The following CDH12 variants were observed in gnomAD, a reference collection of about 807,000 sequenced individuals.
CDH12 encodes the protein cadherin-12.
A neutral mutation model predicts 74.1 loss-of-function variants in CDH12; 41 were observed. The ratio of observed to expected loss-of-function variants is 0.55; its 90% confidence interval spans 0.43 to 0.72. The LOEUF (loss-of-function observed/expected upper bound fraction) is 0.72, where lower values mean the gene tolerates loss of function less well. CDH12 is among the 30% of genes least tolerant of loss of function. CDH12 has a pLI of 0.00. For missense variants in CDH12, 945 were observed against 977.2 expected, an observed-to-expected ratio of 0.97 and a Z score of 0.44; for synonymous variants, 399 against 355.0, an observed-to-expected ratio of 1.12 and a Z score of -1.39.
chr5:22,267,580 A>G (rs1209092882), intron 3 of CDH12, among the ~76,000 whole-genome samples: 1 of 152,160 alleles, frequency 6.6e-6, no homozygotes, highest in East Asian at 1.9e-4. Flanking sequence ...GTACTTCTGG[A>G]AAGTCCATGA....
At chr5:22,534,433 G>C (rs191661647) in intron 1 of CDH12, among the ~76,000 whole-genome samples, 239 of 152,192 alleles carry the variant, frequency 1.6e-3, no homozygotes, top group African/African-American at 5.3e-3. Flanking sequence ...TCCCACTTAT[G>C]AGTGAGAACA....
intron 10 of CDH12, among the ~76,000 whole-genome samples, chr5:21,801,086 T>C (rs1288017284): frequency 6.6e-6 from 1 of 152,198 alleles, no homozygotes; most frequent in Non-Finnish European, 1.5e-5. Flanking sequence ...GTAGTATTCA[T>C]GTAATTATAG....
At chr5:22,071,464 T>A (rs1412927444) in intron 5 of CDH12, among the ~76,000 whole-genome samples, 1 of 152,186 alleles carries the variant, frequency 6.6e-6, no homozygotes, top group Non-Finnish European at 1.5e-5. Flanking sequence ...AAGTCATTAC[T>A]TAATTTGGCC....
intron 1 of CDH12, among the ~76,000 whole-genome samples, chr5:22,699,450 A>G (rs1742593370): frequency 6.6e-6 from 1 of 151,362 alleles, no homozygotes; most frequent in African/African-American, 2.5e-5. Context: ...TTTGATACAC[A>G]AAAGCTCTAA....
At chr5:22,057,193 A>G (rs1182049786) in intron 5 of CDH12, among the ~76,000 whole-genome samples, 1 of 152,206 alleles carries the variant, frequency 6.6e-6, no homozygotes, top group Non-Finnish European at 1.5e-5. Flanking sequence ...GACAATATTG[A>G]AACAAATAAG....
chr5:22,085,128 C>T lies in CDH12; in HGVS notation c.-186-6266G>A, dbSNP rs111990944. 1.2e-3 allele frequency among the ~76,000 whole-genome samples: 188 copies of T among 152,180 alleles called. 1 individual carries two copies. The highest frequency in any genetic ancestry group is 4.0e-3 in the African/African-American group (168 of 41,534). ...GAGTGACTTTTCAAAGACTTCTTAA[C>T]TCGGATGATGACTCTCTGGAGCCCA... On this transcript the variant is annotated intron_variant, in intron 4 of 14. Transcript: ENST00000382254.
intron 3 of CDH12, among the ~76,000 whole-genome samples, chr5:22,250,511 C>T (rs1421737303): frequency 6.6e-6 from 1 of 152,100 alleles, no homozygotes; most frequent in East Asian, 1.9e-4. Context: ...GCATCAATTT[C>T]GCCACATGCT....
At chr5:21,860,579 A>G (rs34848434) in intron 6 of CDH12, among the ~76,000 whole-genome samples, 9,377 of 152,040 alleles carry the variant, frequency 0.062, 365 homozygotes, top group East Asian at 0.14. Context: ...CTTGCTCTCA[A>G]TCTGGGTGGG....
At chr5:22,605,015 T>C (rs1413105460) in intron 1 of CDH12, among the ~76,000 whole-genome samples, 2 of 152,070 alleles carry the variant, frequency 1.3e-5, no homozygotes, top group African/African-American at 4.8e-5. Flanking sequence ...ATTTTATGTA[T>C]CAACTTGGAC....
At chr5:22,418,311 T>G (rs1332785595) in intron 2 of CDH12, among the ~76,000 whole-genome samples, 1 of 149,906 alleles carries the variant, frequency 6.7e-6, no homozygotes, top group Non-Finnish European at 1.5e-5. Context: ...CCTGAGACTT[T>G]GCTGAAGTTA....
intron 4 of CDH12, among the ~76,000 whole-genome samples, chr5:22,176,513 T>C (rs1161809606): frequency 6.6e-6 from 1 of 152,114 alleles, no homozygotes; most frequent in East Asian, 1.9e-4. Context: ...TTGTTTCTCA[T>C]ACCAAATGCT....
intron 1 of CDH12, among the ~76,000 whole-genome samples, chr5:22,796,823 A>T (rs1234989273): frequency 6.6e-6 from 1 of 151,992 alleles, no homozygotes; most frequent in Non-Finnish European, 1.5e-5. Flanking sequence ...CCCGGCCCAG[A>T]TTTTTTATCT....
At position 22,666,299 on chromosome 5, in the gene CDH12, TTTG is replaced by T. The variant is rs1481266547; in HGVS notation, c.-522-160938_-522-160936del. ...CTCTCTATCTTTTTTTTTTTTTTTTTTTGTTTTTGAGACGGAGTCTGTCTCTGA... is the reference window on the plus strand; with the variant it reads ...CTCTCTATCTTTTTTTTTTTTTTTTTTTTTTGAGACGGAGTCTGTCTCTGA... On this transcript the variant is annotated intron_variant, in intron 1 of 14. Transcript: ENST00000382254. Among the ~76,000 whole-genome samples the T allele has an allele frequency of 4.0e-3, 385 of 95,630 alleles. 25 individuals carry two copies. The highest frequency in any genetic ancestry group is 0.014 in the African/African-American group (373 of 26,010). The allele number at this position is 95,630 out of a possible 152,430, so 62.7% of individuals were successfully genotyped here. A position where few individuals can be genotyped will look rare whatever the true frequency, so the allele number is the denominator to read the frequency against.
chr5:21,764,784 T>A (rs1382185621), intron 12 of CDH12, among the ~76,000 whole-genome samples, 194 bp downstream of exon 12: 1 of 152,176 alleles, frequency 6.6e-6, no homozygotes, highest in Non-Finnish European at 1.5e-5. Context: ...ACTTCATCTG[T>A]GCGGTATCAC....
At chr5:22,713,459 T>G (rs76163970) in intron 1 of CDH12, among the ~76,000 whole-genome samples, 1 of 152,086 alleles carries the variant, frequency 6.6e-6, no homozygotes, top group African/African-American at 2.4e-5. Flanking sequence ...GCTAATTCTT[T>G]AGCCTTCTTG....
chr5:22,444,693 G>A (rs1199708815), intron 2 of CDH12, among the ~76,000 whole-genome samples: 1 of 151,928 alleles, frequency 6.6e-6, no homozygotes, highest in Non-Finnish European at 1.5e-5. Flanking sequence ...GCTGAACTCA[G>A]CGGTATATAT....
rs1745549838 is a variant in CDH12, at chr5:22,122,081, T to C, written c.-186-43219A>G. ...TAGTTCTCTGCTCAGGATCTTTCAA[T>C]GCTTTTCACCATTTTTAGCCATATA... On this transcript the variant is annotated intron_variant, in intron 4 of 14. Coordinates refer to ENST00000382254, the MANE Select transcript of CDH12 (RefSeq NM_004061.5). Among the ~76,000 whole-genome samples, 5 of 152,138 alleles carry C rather than the reference T, an allele frequency of 3.3e-5. No homozygotes were observed. The South Asian group carries it at 6.2e-4, about 19-fold the overall frequency.
At chr5:22,589,036 A>G (rs962263909) in intron 1 of CDH12, among the ~76,000 whole-genome samples, 1 of 151,788 alleles carries the variant, frequency 6.6e-6, no homozygotes, top group Non-Finnish European at 1.5e-5. Flanking sequence ...CTTTCTCTAG[A>G]TTTTGTGGTG....
chr5:21,853,248 A>C (rs1433707817), intron 7 of CDH12, among the ~76,000 whole-genome samples: 2 of 151,544 alleles, frequency 1.3e-5, no homozygotes, highest in African/African-American at 4.8e-5. Context: ...TTTTCTCATC[A>C]TGCACTCACT....
Sources: allele counts gnomAD v4.1 joint callset (sites outside exome capture counted in the v4.1 genomes callset), GRCh38; gene constraint gnomAD v4.1.1; transcripts MANE v1.5; gene names NCBI Gene and HGNC (gene_info 2026-07-23, HGNC 2026-07-21).